FSTL1: variants seen among roughly 807,000 people sequenced by gnomAD.
FSTL1 encodes follistatin like 1.
A neutral mutation model predicts 45.9 loss-of-function variants in FSTL1; 24 were observed. The observed-to-expected ratio is 0.52, with a 90% CI of 0.38 to 0.74. The LOEUF (loss-of-function observed/expected upper bound fraction) is 0.74, where lower values mean the gene tolerates loss of function less well. FSTL1 is among the 30% of genes least tolerant of loss of function. FSTL1 has a pLI of 0.00. For synonymous variants in FSTL1, 120 were observed against 137.6 expected (o/e 0.87, Z 0.89); for missense variants, 340 against 381.8 (o/e 0.89, Z 0.91).
chr3:120,403,067 C>A, intron 8 of FSTL1, 149 bp from the exon 9 acceptor site: 1 of 716,224 alleles, frequency 1.4e-6, no homozygotes. Flanking sequence ...TACCATCAAC[C>A]TAAAGAATGT....
chr3:120,445,164 T>A (rs1234440068), intron 2 of FSTL1, among the ~76,000 whole-genome samples: 1 of 149,810 alleles, frequency 6.7e-6, no homozygotes, highest in Non-Finnish European at 1.5e-5. Context: ...AAAGCAGATC[T>A]AAAGTTTACT....
At position 120,431,846 on chromosome 3, in the gene FSTL1, C is replaced by T. The variant is rs541744347; in HGVS notation, c.64-15819G>A. Among the ~76,000 whole-genome samples the T allele has an allele frequency of 1.5e-3, 233 of 152,238 alleles. 1 individual carries two copies. Among genetic ancestry groups the T allele is most frequent in the African/African-American group, 5.5e-3 (229 of 41,546 alleles). On this transcript the variant is annotated intron_variant, in intron 2 of 10. Transcript: ENST00000295633. ...ACAGGCAAGGCAGCATGTCAGGCTG[C>T]ATCTGGGACCAGGATACTGAGTAAT...
intron 3 of FSTL1, among the ~76,000 whole-genome samples, chr3:120,413,384 G>A (rs1252193812): frequency 6.6e-6 from 1 of 152,132 alleles, no homozygotes; most frequent in Non-Finnish European, 1.5e-5. Context: ...TGAGACCTCA[G>A]GTTTGGTCTC....
At chr3:120,405,215 G>A (rs999070770) in intron 6 of FSTL1, among the ~76,000 whole-genome samples, 4 of 152,122 alleles carry the variant, frequency 2.6e-5, no homozygotes, top group African/African-American at 9.7e-5. Context: ...AGGCCTCTGG[G>A]GTCCCTAAGC....
intron 2 of FSTL1, among the ~76,000 whole-genome samples, chr3:120,421,006 T>G (rs1253760220): frequency 6.6e-6 from 1 of 152,238 alleles, no homozygotes; most frequent in Non-Finnish European, 1.5e-5. Context: ...GCAAGTTATT[T>G]GCAAAACTAC....
chr3:120,405,036 A>G lies in FSTL1; in HGVS notation c.463-65T>C, dbSNP rs970158284. The stretch of plus-strand genomic sequence containing the variant: ...AGAACCCCTGTTCCATCATTACTCC[A>G]CTCAGCTGACCTGCCTCTGATTCAT... On this transcript the variant is annotated intron_variant, in intron 6 of 10. Transcript: ENST00000295633. 3 of 843,518 alleles carry G rather than the reference A, an allele frequency of 3.6e-6. No homozygotes were observed. The African/African-American group carries it at 5.0e-5, about 14-fold the overall frequency. 52.3% of individuals were successfully genotyped at this position (843,518 alleles called of 1,614,324 possible).
intron 2 of FSTL1, among the ~76,000 whole-genome samples, chr3:120,420,591 G>A (rs542964993): frequency 6.6e-6 from 1 of 152,250 alleles, no homozygotes; most frequent in African/African-American, 2.4e-5. Context: ...AAGACAGACT[G>A]GGAACATTCC....
At chr3:120,448,449 G>T (rs1937807820) in intron 2 of FSTL1, among the ~76,000 whole-genome samples, 2 of 152,238 alleles carry the variant, frequency 1.3e-5, no homozygotes, top group East Asian at 1.9e-4. Flanking sequence ...ATTGTTAAAG[G>T]TATATTATTA....
intron 2 of FSTL1, among the ~76,000 whole-genome samples, chr3:120,427,515 G>A (rs1188415542): frequency 6.6e-6 from 1 of 152,128 alleles, no homozygotes; most frequent in African/African-American, 2.4e-5. Flanking sequence ...CAACACCTGT[G>A]CCAACTCCTT....
intron 1 of FSTL1, 29 bp downstream of exon 1, chr3:120,450,868 G>A: frequency 1.6e-6 from 1 of 621,374 alleles, no homozygotes; most frequent in South Asian, 2.3e-5. Context: ...CGAAGAGTCC[G>A]GCCTCCGCGC....
intron 2 of FSTL1, among the ~76,000 whole-genome samples, chr3:120,426,817 C>A (rs746126546): frequency 1.3e-5 from 2 of 152,164 alleles, no homozygotes; most frequent in Non-Finnish European, 2.9e-5. Context: ...TTCCTCTCTC[C>A]TGGGTGACTT....
At chr3:120,436,619 A>G (rs1937564851) in intron 2 of FSTL1, among the ~76,000 whole-genome samples, 1 of 152,250 alleles carries the variant, frequency 6.6e-6, no homozygotes, top group Non-Finnish European at 1.5e-5. Flanking sequence ...AGCAAGACCA[A>G]GGCCACATAG....
In FSTL1 at chr3:120,402,896, C is replaced by T. The variant is rs144093733; in HGVS notation, c.717G>A (p.Thr239=). Residue 239 remains threonine (T), a synonymous_variant, in exon 9 of 11, where the codon ACG becomes ACA. Transcript: ENST00000295633. The part of the protein sequence containing the change: ...PEKKCALEDE[T]YADGAETEVD... ...CCTCGGTCTCAGCTCCATCTGCATA[C>T]GTTTCATCCTCCAGGGCACACTCTG... 44 of 1,611,948 alleles carry T rather than the reference C, an allele frequency of 2.7e-5. No individual in the cohort carries two copies. The highest frequency in any genetic ancestry group is 6.7e-5 in the East Asian group (3 of 44,862).
chr3:120,425,787 A>T (rs1937366636), intron 2 of FSTL1, among the ~76,000 whole-genome samples: 1 of 152,194 alleles, frequency 6.6e-6, no homozygotes, highest in South Asian at 2.1e-4. Flanking sequence ...TGGCTCTCAT[A>T]GTCAAAGGAT....
At chr3:120,422,677 T>C (rs1422324676) in intron 2 of FSTL1, among the ~76,000 whole-genome samples, 4 of 152,064 alleles carry the variant, frequency 2.6e-5, no homozygotes, top group Non-Finnish European at 2.9e-5. Context: ...AAAAAATCTA[T>C]TATGAAGCTG....
chr3:120,402,772 T>C (rs753732808), intron 9 of FSTL1, 36 bp downstream of exon 9: 4 of 1,200,546 alleles, frequency 3.3e-6, no homozygotes, highest in Non-Finnish European at 5.0e-6. Flanking sequence ...AGCTCTCTCC[T>C]TGCTGTTTTT....
At position 120,402,884 on chromosome 3, in the gene FSTL1, T is replaced by A. The variant is rs961544613; in HGVS notation, c.729A>T (p.Gly243=). 1.9e-6 allele frequency: 3 copies of A among 1,613,208 alleles called. No individual in the cohort carries two copies. Among genetic ancestry groups the A allele is most frequent in the Non-Finnish European group, 2.5e-6 (3 of 1,179,264 alleles). The change falls in exon 9 of 11, where the codon GGA becomes GGT. Residue 243 remains glycine (G), a synonymous_variant. Coordinates refer to ENST00000295633, the MANE Select transcript of FSTL1 (RefSeq NM_007085.5). Reference sequence around the variant, plus strand: ...GGTTACAGTCCACCTCGGTCTCAGCTCCATCTGCATACGTTTCATCCTCCA... The same window carrying A: ...GGTTACAGTCCACCTCGGTCTCAGCACCATCTGCATACGTTTCATCCTCCA... ...CALEDETYAD[G]AETEVDCNRC...
chr3:120,446,219 G>A (rs535075013), intron 2 of FSTL1, among the ~76,000 whole-genome samples: 3 of 152,122 alleles, frequency 2.0e-5, no homozygotes, highest in Non-Finnish European at 4.4e-5. Flanking sequence ...TATTCTTGTG[G>A]CAGCATGTGT....
At chr3:120,413,782 TCTCCCTCTCCCCCTCCCC>T (rs2107656542) in intron 3 of FSTL1, among the ~76,000 whole-genome samples, 1 of 2,388 alleles carries the variant, frequency 4.2e-4, no homozygotes, top group Non-Finnish European at 8.4e-4. Context: ...AAAAACTCCC[TCTCCCTCTCCCCCTCCCC>T]CTCCCTCTCC....
Sources: allele counts gnomAD v4.1 joint callset (sites outside exome capture counted in the v4.1 genomes callset), GRCh38; gene constraint gnomAD v4.1.1; transcripts MANE v1.5; gene names NCBI Gene and HGNC (gene_info 2026-07-23, HGNC 2026-07-21).